ATF1: variants seen among roughly 807,000 people sequenced by gnomAD.
ATF1 encodes activating transcription factor 1, also known as cyclic AMP-dependent transcription factor ATF-1.
A neutral mutation model predicts 34.7 loss-of-function variants in ATF1; 16 were observed. The ratio of observed to expected loss-of-function variants is 0.46; its 90% CI spans 0.31 to 0.70. ATF1 has a LOEUF of 0.70. Ranked by LOEUF, ATF1 falls within the 30% of genes least tolerant of loss-of-function variation. The probability of loss-of-function intolerance (pLI) is 0.05; values close to 1 mark genes in which losing one functional copy is unlikely to be tolerated. For synonymous variants in ATF1, 105 were observed against 113.1 expected (o/e 0.93, Z 0.46); for missense variants, 255 against 321.6 (o/e 0.79, Z 1.58).
At chr12:50,806,965 C>T (rs1389733946) in intron 3 of ATF1, among the ~76,000 whole-genome samples, 3 of 151,902 alleles carry the variant, frequency 2.0e-5, no homozygotes, top group Non-Finnish European at 4.4e-5. Flanking sequence ...CTTGGTGGGA[C>T]GACAGTCCAC....
intron 4 of ATF1, among the ~76,000 whole-genome samples, chr12:50,811,303 TTGTA>T (rs1459757643): frequency 1.3e-5 from 2 of 152,196 alleles, no homozygotes; most frequent in Non-Finnish European, 1.5e-5. Context: ...TAATTATAGA[TTGTA>T]TGTATGTAAT....
At chr12:50,818,415 A>G (rs572918605) in intron 6 of ATF1, among the ~76,000 whole-genome samples, 16 of 152,344 alleles carry the variant, frequency 1.1e-4, no homozygotes, top group African/African-American at 3.6e-4. Flanking sequence ...TCTCAAAACA[A>G]AAGAAGAAAA....
rs78975212 is a variant in ATF1, at chr12:50,815,822, T to G, written c.671+1383T>G. On this transcript the variant is annotated intron_variant, in intron 6 of 6. Coordinates refer to ENST00000262053, the MANE Select transcript of ATF1 (RefSeq NM_005171.5). ...CAGAGGGATACCTGTACTCATAAGT[T>G]TACTTGCAGCACTATTCACGCACAA... Among the ~76,000 whole-genome samples, 991 of 152,324 alleles carry G rather than the reference T, an allele frequency of 6.5e-3. 10 individuals carry two copies. Among genetic ancestry groups the G allele is most frequent in the African/African-American group, 0.022 (909 of 41,572 alleles).
intron 3 of ATF1, among the ~76,000 whole-genome samples, chr12:50,799,858 G>A (rs1191650138): frequency 2.0e-5 from 3 of 152,146 alleles, no homozygotes; most frequent in Non-Finnish European, 1.5e-5. Flanking sequence ...TCAGCGACCT[G>A]TGCGACAATA....
rs372447186 is a variant in ATF1 at position 50,777,627 on chromosome 12, C to A, written c.-6-2513C>A. ...CCCATCTGTACAGAAAAGACCCCCC[C>A]CAAATTAACAAGGCATGGTGGTATG... On this transcript the variant is annotated intron_variant, in intron 1 of 6. Coordinates refer to ENST00000262053, the MANE Select transcript of ATF1 (RefSeq NM_005171.5). 4.5e-4 allele frequency among the ~76,000 whole-genome samples: 69 copies of A among 151,748 alleles called. No individual in the cohort carries two copies. In the South Asian group the frequency reaches 0.014, roughly 30 times the overall value.
intron 1 of ATF1, among the ~76,000 whole-genome samples, chr12:50,770,909 C>T (rs938246112): frequency 1.8e-4 from 27 of 152,242 alleles, no homozygotes; most frequent in African/African-American, 5.5e-4. Context: ...GCTAACAACC[C>T]GATATCAGCT....
At chr12:50,788,344 G>A (rs981617757) in intron 2 of ATF1, 7 of 376,286 alleles carry the variant, frequency 1.9e-5, no homozygotes, top group South Asian at 3.8e-5. Context: ...CATCACATCC[G>A]GCTAAACTTT....
rs1308359854 is a variant in ATF1 at position 50,820,700 on chromosome 12, G to GT, written c.*922dup. ...AAGATTTTATAATCAATTTAATAAT[G>GT]TAAGGTTTATCAGATTCTATAATAG... On this transcript the variant is annotated 3_prime_UTR_variant, in exon 7 of 7. Coordinates refer to ENST00000262053, the MANE Select transcript of ATF1 (RefSeq NM_005171.5). 1 of 178,636 alleles carries GT rather than the reference G, an allele frequency of 5.6e-6. No individual in the cohort carries two copies. The highest frequency in any genetic ancestry group is 1.2e-5 in the Non-Finnish European group (1 of 82,972). 11.1% of individuals were successfully genotyped at this position (178,636 alleles called of 1,614,324 possible). A position where few individuals can be genotyped will look rare whatever the true frequency, so the allele number is the denominator to read the frequency against.
At chr12:50,798,748 G>A (rs1466625628) in intron 3 of ATF1, among the ~76,000 whole-genome samples, 1 of 152,084 alleles carries the variant, frequency 6.6e-6, no homozygotes, top group East Asian at 1.9e-4. Flanking sequence ...ATCATCAAAC[G>A]TGCAAGGACA....
intron 3 of ATF1, among the ~76,000 whole-genome samples, chr12:50,805,347 A>G (rs1043000656): frequency 3.3e-5 from 5 of 151,180 alleles, no homozygotes; most frequent in African/African-American, 1.2e-4. Context: ...CTTGAGCCCA[A>G]GAGTTTGAGA....
chr12:50,767,603 C>T (rs962618611), intron 1 of ATF1, among the ~76,000 whole-genome samples: 6 of 152,224 alleles, frequency 3.9e-5, no homozygotes, highest in Non-Finnish European at 4.4e-5. Flanking sequence ...TACTTGGCTG[C>T]AGGTCCCTGT....
At chr12:50,783,581 G>A (rs1941117831) in intron 2 of ATF1, among the ~76,000 whole-genome samples, 3 of 151,906 alleles carry the variant, frequency 2.0e-5, no homozygotes, top group Admixed American at 2.0e-4. Context: ...AAATAATATG[G>A]TTGGCAGGCT....
rs141288635 is a variant in ATF1 at position 50,802,765 on chromosome 12, G to A, written c.195-6691G>A. 6.8e-4 allele frequency among the ~76,000 whole-genome samples: 102 copies of A among 149,554 alleles called. 1 individual carries two copies. In the East Asian group the frequency reaches 0.019, roughly 27 times the overall value. ...CCCGCACCTGTAGTCCCAGCTACTCGGGAGGCTGAGGCAGAAGATTCACTT... is the reference window on the plus strand; with the variant it reads ...CCCGCACCTGTAGTCCCAGCTACTCAGGAGGCTGAGGCAGAAGATTCACTT... On this transcript the variant is annotated intron_variant, in intron 3 of 6. Transcript: ENST00000262053.
chr12:50,765,047 G>A (rs900481323), intron 1 of ATF1, among the ~76,000 whole-genome samples: 1 of 152,220 alleles, frequency 6.6e-6, no homozygotes, highest in Non-Finnish European at 1.5e-5. Flanking sequence ...CCGTGCAGCT[G>A]GCGGCTGAAT....
intron 2 of ATF1, among the ~76,000 whole-genome samples, chr12:50,781,482 G>A (rs570365729): frequency 1.3e-5 from 2 of 152,112 alleles, no homozygotes; most frequent in East Asian, 1.9e-4. Context: ...GCAGGGTTTC[G>A]CTCTGTCGCT....
intron 3 of ATF1, among the ~76,000 whole-genome samples, chr12:50,806,885 C>T (rs1279294178): frequency 6.6e-6 from 1 of 152,078 alleles, no homozygotes; most frequent in African/African-American, 2.4e-5. Context: ...AAACAGAGTC[C>T]TATAGGACTG....
At chr12:50,808,743 A>ATT (rs34559730) in intron 3 of ATF1, among the ~76,000 whole-genome samples, 2 of 140,190 alleles carry the variant, frequency 1.4e-5, no homozygotes, top group African/African-American at 2.7e-5. Flanking sequence ...GATTATTGTA[A>ATT]TTTTTTTTTT....
chr12:50,812,748 C>T (rs972188195), intron 4 of ATF1, among the ~76,000 whole-genome samples: 2 of 151,936 alleles, frequency 1.3e-5, no homozygotes, highest in Non-Finnish European at 2.9e-5. Context: ...TGCTTGAGCC[C>T]AGGAGGTAGA....
At chr12:50,775,593 T>G (rs1314399401) in intron 1 of ATF1, 1 of 152,356 alleles carries the variant, frequency 6.6e-6, no homozygotes, top group Non-Finnish European at 1.5e-5. Flanking sequence ...GACGAGGTCT[T>G]GCTACATTGT....
Sources: gnomAD v4.1 joint callset for allele counts (sites outside exome capture counted in the v4.1 genomes callset) on GRCh38, gnomAD v4.1.1 for gene constraint, MANE v1.5 for transcripts, NCBI Gene and HGNC (gene_info 2026-07-23, HGNC 2026-07-21) for gene names.